The following KCNMA1 variants were observed in gnomAD, a reference collection of about 807,000 sequenced individuals.
KCNMA1 encodes Calcium-activated potassium channel subunit alpha-1.
KCNMA1 carries 29 observed loss-of-function variants against 140.0 expected under a neutral mutation model. That is an observed-to-expected ratio of 0.21 (90% confidence interval 0.15 to 0.28). The LOEUF is 0.28. Among genes scored for constraint, KCNMA1 ranks in the 10% least tolerant of loss-of-function variants. The pLI, the probability that KCNMA1 is intolerant of heterozygous loss-of-function variation, is 1.00. For synonymous variants in KCNMA1, 612 were observed against 611.9 expected, an observed-to-expected ratio of 1.00 and a Z score of 0.00; for missense variants, 880 against 1,602.2, an observed-to-expected ratio of 0.55 and a Z score of 7.70.
intron 24 of KCNMA1, chr10:76,913,469 C>T (rs1033376226): frequency 6.6e-6 from 1 of 152,296 alleles, no homozygotes; most frequent in Non-Finnish European, 1.5e-5. Flanking sequence ...TTGAAATCTG[C>T]CTTTAGTAAA....
At chr10:76,945,643 T>G (rs975056614) in intron 22 of KCNMA1, among the ~76,000 whole-genome samples, 7 of 152,164 alleles carry the variant, frequency 4.6e-5, no homozygotes, top group African/African-American at 1.4e-4. Context: ...AACATAGGAA[T>G]GGAGAAATAT....
In KCNMA1 at chr10:76,886,866, C is replaced by A; in HGVS notation, c.*400G>T. ...AACAACAACAACAACAAAATCAAAA[C>A]CCAAAGCACCCTGATAATCCTGATA... On this transcript the variant is annotated 3_prime_UTR_variant, in exon 28 of 28. Transcript: ENST00000286628. 1 of 1,083,156 alleles carries A rather than the reference C, an allele frequency of 9.2e-7. No homozygotes were observed. Among genetic ancestry groups the A allele is most frequent in the Non-Finnish European group, 1.1e-6 (1 of 888,344 alleles). 67.1% of individuals were successfully genotyped at this position (1,083,156 alleles called of 1,614,324 possible).
intron 5 of KCNMA1, among the ~76,000 whole-genome samples, chr10:77,167,547 T>G (rs1462559524): frequency 6.6e-6 from 1 of 152,108 alleles, no homozygotes. Flanking sequence ...GTTGAGTGAA[T>G]GATGATAATA....
intron 2 of KCNMA1, among the ~76,000 whole-genome samples, chr10:77,324,015 AAAG>A (rs1602514692): frequency 6.6e-6 from 1 of 152,228 alleles, no homozygotes; most frequent in East Asian, 1.9e-4. Flanking sequence ...AATTTGGGAA[AAAG>A]AAGAGGGTAA....
intron 1 of KCNMA1, among the ~76,000 whole-genome samples, chr10:77,527,142 C>T (rs898362764): frequency 1.4e-4 from 22 of 152,236 alleles, no homozygotes; most frequent in African/African-American, 5.3e-4. Context: ...CCCAAGGTCC[C>T]CTTACTGCCT....
intron 2 of KCNMA1, among the ~76,000 whole-genome samples, chr10:77,336,264 C>A (rs1024618506): frequency 1.3e-5 from 2 of 151,990 alleles, no homozygotes; most frequent in African/African-American, 4.8e-5. Context: ...GAAAATTAAC[C>A]ATTACCTAGC....
chr10:77,212,269 A>G (rs1019951388), intron 3 of KCNMA1, among the ~76,000 whole-genome samples: 7 of 152,212 alleles, frequency 4.6e-5, no homozygotes, highest in African/African-American at 1.4e-4. Flanking sequence ...AAAAAGCCAT[A>G]AAAAAGGGTG....
At chr10:77,368,343 G>C (rs1394812365) in intron 2 of KCNMA1, among the ~76,000 whole-genome samples, 1 of 152,104 alleles carries the variant, frequency 6.6e-6, no homozygotes, top group Non-Finnish European at 1.5e-5. Context: ...TATCCTCTTT[G>C]ATCATGTGTC....
intron 2 of KCNMA1, among the ~76,000 whole-genome samples, chr10:77,332,238 A>C (rs1191027604): frequency 6.6e-6 from 1 of 152,152 alleles, no homozygotes; most frequent in Non-Finnish European, 1.5e-5. Context: ...CCAGGGGATG[A>C]GAGGGAAAAA....
At chr10:77,073,980 G>T (rs2096299560) in intron 13 of KCNMA1, among the ~76,000 whole-genome samples, 1 of 152,156 alleles carries the variant, frequency 6.6e-6, no homozygotes, top group South Asian at 2.1e-4. Flanking sequence ...TTTTTAAGTG[G>T]CATGAAGCAG....
chr10:77,067,122 T>C lies in KCNMA1; in HGVS notation c.1749+5975A>G, dbSNP rs1330868580. 3.3e-5 allele frequency among the ~76,000 whole-genome samples: 5 copies of C among 152,202 alleles called. No homozygotes were observed. The East Asian group carries it at 7.7e-4, about 23-fold the overall frequency. On this transcript the variant is annotated intron_variant, in intron 14 of 27. Coordinates refer to ENST00000286628, the MANE Select transcript of KCNMA1 (RefSeq NM_001161352.2). ...GGTGTGTCTTTGAGGGTGGAGGGTGTTTCTGCATGAGATTAACATTTGAAT... is the reference window on the plus strand; with the variant it reads ...GGTGTGTCTTTGAGGGTGGAGGGTGCTTCTGCATGAGATTAACATTTGAAT...
At chr10:77,074,967 A>G (rs549818408) in intron 13 of KCNMA1, among the ~76,000 whole-genome samples, 14 of 152,366 alleles carry the variant, frequency 9.2e-5, no homozygotes, top group African/African-American at 3.4e-4. Flanking sequence ...CTCCATTGTG[A>G]AAACAAAGAG....
chr10:77,401,594 T>C (rs894383666), intron 2 of KCNMA1, among the ~76,000 whole-genome samples: 3 of 152,242 alleles, frequency 2.0e-5, no homozygotes, highest in Non-Finnish European at 4.4e-5. Context: ...TTGAAGGCTT[T>C]CTTCTCCTTT....
At chr10:77,234,228 C>A (rs1259599171) in intron 3 of KCNMA1, among the ~76,000 whole-genome samples, 1 of 152,012 alleles carries the variant, frequency 6.6e-6, no homozygotes, top group Non-Finnish European at 1.5e-5. Flanking sequence ...TTATATTATG[C>A]CTTTATAAAT....
intron 1 of KCNMA1, among the ~76,000 whole-genome samples, chr10:77,440,977 C>G (rs1460944850): frequency 6.7e-6 from 1 of 149,822 alleles, no homozygotes; most frequent in Non-Finnish European, 1.5e-5. Context: ...AGCCACCATG[C>G]CTGGCTAATT....
chr10:77,144,345 T>C (rs890568104), intron 5 of KCNMA1, among the ~76,000 whole-genome samples: 1 of 152,164 alleles, frequency 6.6e-6, no homozygotes, highest in Admixed American at 6.5e-5. Context: ...ATGATTCCAT[T>C]CATACAAAAA....
intron 22 of KCNMA1, among the ~76,000 whole-genome samples, chr10:76,947,807 T>C (rs1414225714): frequency 6.6e-6 from 1 of 152,230 alleles, no homozygotes; most frequent in Non-Finnish European, 1.5e-5. Flanking sequence ...CATGGTGGCA[T>C]CTAATGAGTA....
chr10:77,265,714 T>C (rs1290819842), intron 2 of KCNMA1, among the ~76,000 whole-genome samples: 1 of 152,110 alleles, frequency 6.6e-6, no homozygotes, highest in Non-Finnish European at 1.5e-5. Context: ...TCATCTCCAT[T>C]GAAAGGTACC....
intron 12 of KCNMA1, among the ~76,000 whole-genome samples, chr10:77,082,401 C>T (rs2096602330): frequency 6.6e-6 from 1 of 152,032 alleles, no homozygotes; most frequent in Non-Finnish European, 1.5e-5. Context: ...TTAACCCTAC[C>T]ACAGTTAGGG....
Sources: gnomAD v4.1 joint callset for allele counts (sites outside exome capture counted in the v4.1 genomes callset) on GRCh38, gnomAD v4.1.1 for gene constraint, MANE v1.5 for transcripts, NCBI Gene and HGNC (gene_info 2026-07-23, HGNC 2026-07-21) for gene names.